The following CCDC91 variants were observed in gnomAD, a reference collection of about 807,000 sequenced individuals.
The protein encoded by CCDC91 is coiled-coil domain containing 91, also known as coiled-coil domain-containing protein 91.
Under a neutral mutation model 63.2 loss-of-function variants are expected in CCDC91, and 48 were observed. The observed-to-expected ratio is 0.76, with a 90% CI of 0.60 to 0.97. The LOEUF is 0.97. Ranked by LOEUF, CCDC91 falls within the 50% of genes least tolerant of loss-of-function variation. CCDC91 has a pLI of 0.00. For synonymous variants in CCDC91, 167 were observed against 165.8 expected, an observed-to-expected ratio of 1.01 and a Z score of -0.06; for missense variants, 500 against 494.6, an observed-to-expected ratio of 1.01 and a Z score of -0.10.
chr12:28,295,249 C>T (rs187710942), intron 3 of CCDC91, among the ~76,000 whole-genome samples: 2 of 152,196 alleles, frequency 1.3e-5, no homozygotes, highest in African/African-American at 4.8e-5. Context: ...GCCTGGTTCC[C>T]TCATTGTGTG....
Position 28,211,080 on chromosome 12 carries a change from C to T in CCDC91, c.-15+20439C>T, listed in dbSNP as rs1237690505. On this transcript the variant is annotated intron_variant, in intron 1 of 12. Coordinates refer to ENST00000536442, the MANE Select transcript of CCDC91 (RefSeq NM_018318.5). ...TACCCCTCTTTATGACAGAACAATA[C>T]AGAAAGACTAAGCACACTAGATTCA... 2.0e-5 allele frequency among the ~76,000 whole-genome samples: 3 copies of T among 148,384 alleles called. No individual in the cohort carries two copies. The Admixed American group carries it at 2.0e-4, about 10-fold the overall frequency.
chr12:28,367,414 G>GA (rs926097129), intron 7 of CCDC91, among the ~76,000 whole-genome samples: 5 of 151,856 alleles, frequency 3.3e-5, no homozygotes, highest in Non-Finnish European at 5.9e-5. Flanking sequence ...CAGTAAATTT[G>GA]AAAAAAATAG....
At chr12:28,365,131 C>G (rs560868077) in intron 7 of CCDC91, among the ~76,000 whole-genome samples, 1 of 152,226 alleles carries the variant, frequency 6.6e-6, no homozygotes, top group African/African-American at 2.4e-5. Context: ...AATTCCTAAT[C>G]CATTTTAGCA....
intron 6 of CCDC91, among the ~76,000 whole-genome samples, chr12:28,336,002 A>C: frequency 6.6e-6 from 1 of 151,374 alleles, no homozygotes; most frequent in South Asian, 2.1e-4. Flanking sequence ...TTTGCCATAG[A>C]TTTTATTTCC....
intron 1 of CCDC91, among the ~76,000 whole-genome samples, chr12:28,242,019 A>C (rs1438947507): frequency 6.7e-6 from 1 of 150,078 alleles, no homozygotes; most frequent in African/African-American, 2.4e-5. Context: ...AAAAAAAACG[A>C]AACAAAAAAA....
intron 6 of CCDC91, among the ~76,000 whole-genome samples, chr12:28,335,737 A>G (rs1430594816): frequency 6.6e-6 from 1 of 152,036 alleles, no homozygotes; most frequent in Non-Finnish European, 1.5e-5. Flanking sequence ...TATTTTATTT[A>G]AATACTTCAA....
chr12:28,422,184 T>C (rs1252444731), intron 8 of CCDC91, among the ~76,000 whole-genome samples: 4 of 152,166 alleles, frequency 2.6e-5, no homozygotes, highest in Admixed American at 2.0e-4. Context: ...GTCTTTAACA[T>C]AGTATCCAAA....
intron 8 of CCDC91, among the ~76,000 whole-genome samples, chr12:28,440,641 AG>A (rs1949135945): frequency 6.6e-6 from 1 of 152,208 alleles, no homozygotes; most frequent in African/African-American, 2.4e-5. Flanking sequence ...GAAAGTGAAA[AG>A]GCAAGCCACA....
chr12:28,210,737 A>C (rs140864498), intron 1 of CCDC91, among the ~76,000 whole-genome samples: 183 of 152,214 alleles, frequency 1.2e-3, no homozygotes, highest in African/African-American at 4.0e-3. Context: ...GAAAAATTGA[A>C]GATGATTTGT....
chr12:28,436,330 C>A (rs1465533013), intron 8 of CCDC91, among the ~76,000 whole-genome samples: 1 of 151,688 alleles, frequency 6.6e-6, no homozygotes, highest in Non-Finnish European at 1.5e-5. Context: ...TCCAATTTAA[C>A]TTTCAGAGGA....
chr12:28,514,705 T>C (rs1939745093), intron 12 of CCDC91, among the ~76,000 whole-genome samples: 1 of 151,952 alleles, frequency 6.6e-6, no homozygotes, highest in Admixed American at 6.6e-5. Context: ...CTTCTCCATA[T>C]GACTAGCCAG....
At chr12:28,253,287 A>G (rs771358774) in intron 1 of CCDC91, among the ~76,000 whole-genome samples, 5 of 152,110 alleles carry the variant, frequency 3.3e-5, no homozygotes, top group Non-Finnish European at 5.9e-5. Context: ...TTGGTTGCTG[A>G]GTAGTGAAAG....
At chr12:28,444,958 C>G (rs1949423578) in intron 8 of CCDC91, among the ~76,000 whole-genome samples, 3 of 152,106 alleles carry the variant, frequency 2.0e-5, no homozygotes, top group South Asian at 4.1e-4. Flanking sequence ...TGCACCAACA[C>G]CTTTTCTTTT....
At chr12:28,198,310 A>G (rs1941939629) in intron 1 of CCDC91, among the ~76,000 whole-genome samples, 3 of 152,234 alleles carry the variant, frequency 2.0e-5, no homozygotes, top group African/African-American at 7.2e-5. Flanking sequence ...GTGTTATGCA[A>G]GATCCATTAA....
chr12:28,521,197 T>C (rs138004627), intron 12 of CCDC91, among the ~76,000 whole-genome samples: 2,161 of 152,264 alleles, frequency 0.014, 14 homozygotes, highest in African/African-American at 0.025. Flanking sequence ...ATTATTCCTA[T>C]CCATGAGCAT....
chr12:28,535,573 A>G (rs1942087244), intron 12 of CCDC91, among the ~76,000 whole-genome samples: 1 of 152,230 alleles, frequency 6.6e-6, no homozygotes, highest in Non-Finnish European at 1.5e-5. Flanking sequence ...GTGCACTTGG[A>G]TAACTTTTTT....
At position 28,394,076 on chromosome 12, in the gene CCDC91, T is replaced by A. The variant is rs78119968; in HGVS notation, c.762+2665T>A. On this transcript the variant is annotated intron_variant, in intron 8 of 12. Coordinates refer to ENST00000536442, the MANE Select transcript of CCDC91 (RefSeq NM_018318.5). ...AATGACGTAACGAAATGGAAAGATA[T>A]CCCCTGTTTGTTGATTGGATATACT... Among the ~76,000 whole-genome samples, 1,265 of 152,280 alleles carry A rather than the reference T, an allele frequency of 8.3e-3. 20 individuals are homozygous for A. Among genetic ancestry groups the A allele is most frequent in the African/African-American group, 0.029 (1,209 of 41,556 alleles).
intron 11 of CCDC91, among the ~76,000 whole-genome samples, chr12:28,473,824 A>G (rs1950943451): frequency 6.6e-6 from 1 of 152,080 alleles, no homozygotes; most frequent in Non-Finnish European, 1.5e-5. Context: ...ATTCCAAACA[A>G]GCTCCTTTCT....
At position 28,418,961 on chromosome 12, in the gene CCDC91, T is replaced by C. The variant is rs1218507095; in HGVS notation, c.762+27550T>C. 2.0e-5 allele frequency among the ~76,000 whole-genome samples: 3 copies of C among 152,292 alleles called. No individual in the cohort carries two copies. The East Asian group carries it at 5.8e-4, about 29-fold the overall frequency. ...AAATAAGGCCATTAATTATAATGTT[T>C]AATGAGGACTAATCATGTTCTAGGT... On this transcript the variant is annotated intron_variant, in intron 8 of 12. Coordinates refer to ENST00000536442, the MANE Select transcript of CCDC91 (RefSeq NM_018318.5).
Sources: allele counts gnomAD v4.1 joint callset (sites outside exome capture counted in the v4.1 genomes callset), GRCh38; gene constraint gnomAD v4.1.1; transcripts MANE v1.5; gene names NCBI Gene and HGNC (gene_info 2026-07-23, HGNC 2026-07-21).